The following GOLM1 variants were observed in gnomAD, a reference collection of about 807,000 sequenced individuals.
GOLM1 encodes epididymis luminal protein 46.
In GOLM1, 31 loss-of-function variants were observed where a neutral mutation model predicts 50.5. The observed-to-expected ratio is 0.61, with a 90% CI of 0.46 to 0.83. The LOEUF (loss-of-function observed/expected upper bound fraction) is 0.83, where lower values mean the gene tolerates loss of function less well. GOLM1 is among the 40% of genes least tolerant of loss of function. The probability of loss-of-function intolerance (pLI) is 0.00; values close to 1 mark genes in which losing one functional copy is unlikely to be tolerated. For synonymous variants in GOLM1, 178 were observed against 192.8 expected (o/e 0.92, Z 0.64); for missense variants, 491 against 501.3 (o/e 0.98, Z 0.20).
At chr9:86,038,735 G>GCA (rs1278892286) in intron 6 of GOLM1, among the ~76,000 whole-genome samples, 1 of 152,078 alleles carries the variant, frequency 6.6e-6, no homozygotes, top group Non-Finnish European at 1.5e-5. Context: ...CTTGATAACC[G>GCA]CACACACACA....
chr9:86,064,333 T>A (rs541770814), intron 3 of GOLM1, among the ~76,000 whole-genome samples: 6 of 152,316 alleles, frequency 3.9e-5, no homozygotes, highest in Admixed American at 6.5e-5. Context: ...AAATTTTCAA[T>A]GGATTTTACT....
At chr9:86,035,924 T>C (rs1833127558) in intron 7 of GOLM1, among the ~76,000 whole-genome samples, 1 of 140,968 alleles carries the variant, frequency 7.1e-6, no homozygotes, top group Non-Finnish European at 1.5e-5. Flanking sequence ...CTTGACAAGG[T>C]ACAAAGGGAA....
chr9:86,041,563 C>G (rs1833352297), intron 5 of GOLM1, among the ~76,000 whole-genome samples: 1 of 152,222 alleles, frequency 6.6e-6, no homozygotes, highest in African/African-American at 2.4e-5. Context: ...CTGTCTCCCC[C>G]CGGCGCCTGC....
At chr9:86,090,270 T>C (rs1835134840) in intron 1 of GOLM1, among the ~76,000 whole-genome samples, 1 of 152,086 alleles carries the variant, frequency 6.6e-6, no homozygotes, top group Non-Finnish European at 1.5e-5. Flanking sequence ...AGACTTTGAG[T>C]GTTATGCTGG....
chr9:86,099,263 G>A (rs1033557004), intron 1 of GOLM1, 148 bp downstream of exon 1: 1 of 152,304 alleles, frequency 6.6e-6, no homozygotes, highest in African/African-American at 2.4e-5. Flanking sequence ...AGCGCAGCCA[G>A]CGAAGGTTGC....
intron 3 of GOLM1, among the ~76,000 whole-genome samples, chr9:86,054,590 G>A (rs531143100): frequency 6.6e-6 from 1 of 152,278 alleles, no homozygotes; most frequent in African/African-American, 2.4e-5. Context: ...AAAGGGAAAC[G>A]GAGGCACTGG....
intron 3 of GOLM1, among the ~76,000 whole-genome samples, chr9:86,056,446 T>G (rs2118762850): frequency 6.6e-6 from 1 of 151,676 alleles, no homozygotes; most frequent in East Asian, 1.9e-4. Context: ...TTCAACATAT[T>G]ATAAAGAAGA....
At chr9:86,062,484 G>A (rs1279585125) in intron 3 of GOLM1, among the ~76,000 whole-genome samples, 4 of 151,558 alleles carry the variant, frequency 2.6e-5, no homozygotes, top group Non-Finnish European at 2.9e-5. Context: ...GGGAGGACGG[G>A]GGAGGAGGGA....
intron 1 of GOLM1, among the ~76,000 whole-genome samples, chr9:86,095,410 CT>C (rs529708521): frequency 0.04 from 5,199 of 130,728 alleles, 235 homozygotes; most frequent in East Asian, 0.31. Flanking sequence ...TGTATTTTCC[CT>C]TTTTTTTTTT....
chr9:86,040,771 C>T lies in GOLM1; in HGVS notation c.565G>A (p.Asp189Asn). 6.2e-7 allele frequency: 1 copy of T among 1,614,010 alleles called. No homozygotes were observed. The highest frequency in any genetic ancestry group is 8.5e-7 in the Non-Finnish European group (1 of 1,179,928). ...KKGNEAVASR[D>N]LSENNDQRQQ... The stretch of plus-strand genomic sequence containing the variant: ...CTCTGGTCGTTGTTTTCACTCAGGT[C>T]TCTGGAAGCTACAGCTTCATTCCCC... The change falls in exon 6 of 10, where the codon GAC becomes AAC. Residue 189 changes from aspartate to asparagine, a missense_variant. Coordinates refer to ENST00000388712, the MANE Select transcript of GOLM1 (RefSeq NM_016548.4).
At chr9:86,058,783 G>C (rs918141550) in intron 3 of GOLM1, among the ~76,000 whole-genome samples, 1 of 151,684 alleles carries the variant, frequency 6.6e-6, no homozygotes, top group African/African-American at 2.4e-5. Flanking sequence ...GATCACCTGA[G>C]GTCAGGGGTT....
intron 1 of GOLM1, among the ~76,000 whole-genome samples, chr9:86,096,945 A>G (rs528812168): frequency 1.8e-4 from 27 of 152,300 alleles, no homozygotes; most frequent in African/African-American, 6.3e-4. Flanking sequence ...GTATTTATAT[A>G]TGTACTTTTT....
rs577908875 is a variant in GOLM1, at chr9:86,053,844, C to T, written c.310-1253G>A. Among the ~76,000 whole-genome samples the T allele has an allele frequency of 7.3e-5, 11 of 151,552 alleles. No homozygotes were observed. In the East Asian group the frequency reaches 2.2e-3, roughly 30 times the overall value. ...ACACACCAAACCAAACCACACCACA[C>T]CACACCACTCTACACCACACCAGCT... On this transcript the variant is annotated intron_variant, in intron 3 of 9. Transcript: ENST00000388712.
At chr9:86,038,781 A>G (rs1833234530) in intron 6 of GOLM1, among the ~76,000 whole-genome samples, 1 of 152,218 alleles carries the variant, frequency 6.6e-6, no homozygotes, top group Admixed American at 6.5e-5. Context: ...CACCATATGC[A>G]ATAATTAAAT....
At chr9:86,030,149 C>T (rs151139658) in intron 9 of GOLM1, among the ~76,000 whole-genome samples, 11 of 138,172 alleles carry the variant, frequency 8.0e-5, no homozygotes, top group South Asian at 4.7e-4. Context: ...ACCCAGGAGG[C>T]GGAGACTGCT....
At chr9:86,038,008 G>A (rs1439712809) in intron 6 of GOLM1, among the ~76,000 whole-genome samples, 3 of 152,022 alleles carry the variant, frequency 2.0e-5, no homozygotes, top group Non-Finnish European at 4.4e-5. Context: ...TACAAAATTA[G>A]CCAGGTGTGG....
At chr9:86,037,577 C>T (rs1199043758) in intron 6 of GOLM1, among the ~76,000 whole-genome samples, 1 of 152,122 alleles carries the variant, frequency 6.6e-6, no homozygotes, top group Non-Finnish European at 1.5e-5. Context: ...TTCCAGTTTT[C>T]TGTTCCTCAC....
chr9:86,077,680 GC>G, intron 2 of GOLM1, 89 bp from the exon 3 acceptor site: 1 of 866,116 alleles, frequency 1.2e-6, no homozygotes, highest in Non-Finnish European at 1.9e-6. Flanking sequence ...CCACCTTGGG[GC>G]CCAGGGCCAG....
At chr9:86,035,056 G>T (rs1418194800) in intron 8 of GOLM1, 1 of 985,204 alleles carries the variant, frequency 1.0e-6, no homozygotes, top group Non-Finnish European at 1.2e-6. Flanking sequence ...AATGGGGCAT[G>T]TGGCCTGCCT....
Sources: allele counts gnomAD v4.1 joint callset (sites outside exome capture counted in the v4.1 genomes callset), GRCh38; gene constraint gnomAD v4.1.1; transcripts MANE v1.5; gene names NCBI Gene and HGNC (gene_info 2026-07-23, HGNC 2026-07-21).